The following CMYA5 variants were observed in gnomAD, a reference collection of about 807,000 sequenced individuals.
CMYA5 encodes cardiomyopathy associated 5.
In CMYA5, 246 loss-of-function variants were observed where a neutral mutation model predicts 318.9. The observed-to-expected ratio is 0.77, with a 90% CI of 0.70 to 0.86. The LOEUF (loss-of-function observed/expected upper bound fraction) is 0.86. Among genes scored for constraint, CMYA5 ranks in the 40% least tolerant of loss-of-function variants. The pLI, the probability that CMYA5 is intolerant of heterozygous loss-of-function variation, is 0.00. For synonymous variants in CMYA5, 1,641 were observed against 1,729.5 expected, an observed-to-expected ratio of 0.95 and a Z score of 1.27; for missense variants, 4,589 against 4,678.2, an observed-to-expected ratio of 0.98 and a Z score of 0.56.
At chr5:79,794,654 C>T (rs1437551418) in intron 12 of CMYA5, among the ~76,000 whole-genome samples, 1 of 152,172 alleles carries the variant, frequency 6.6e-6, no homozygotes, top group Admixed American at 6.5e-5. Context: ...CAGGGAAGAG[C>T]TTAGGAACGG....
At chr5:79,726,625 G>T (rs958483898) in intron 1 of CMYA5, among the ~76,000 whole-genome samples, 6 of 152,168 alleles carry the variant, frequency 3.9e-5, no homozygotes, top group Non-Finnish European at 8.8e-5. Flanking sequence ...AGGGTGAATG[G>T]ATCTGGCTGC....
At chr5:79,713,298 C>T (rs1177443243) in intron 1 of CMYA5, among the ~76,000 whole-genome samples, 1 of 39,538 alleles carries the variant, frequency 2.5e-5, no homozygotes, top group Non-Finnish European at 4.8e-5. Flanking sequence ...CTGCACCCCG[C>T]CCCCACCCCC....
Position 79,736,397 on chromosome 5 carries a change from G to T in CMYA5, c.7632G>T (p.Gln2544His), listed in dbSNP as rs374481456. Residue 2544 changes from glutamine to histidine, a missense_variant, in exon 2 of 13, where the codon CAG becomes CAT. By Grantham distance (24) the Gln-to-His change is conservative (BLOSUM62 0). Coordinates refer to ENST00000446378, the MANE Select transcript of CMYA5 (RefSeq NM_153610.5). ...EKEKGEEKEN[Q>H]VYVLSEGKKQ... ...AGAAAGGTGAAGAAAAAGAAAATCA[G>T]GTATATGTGCTTTCAGAAGGAAAGA... is the stretch of plus-strand genomic sequence containing the variant. The T allele has an allele frequency of 8.8e-5, 141 of 1,611,102 alleles. No homozygotes were observed. The African/African-American group carries it at 1.8e-3, about 21-fold the overall frequency.
In CMYA5 at chr5:79,736,294, C is replaced by T. The variant is rs370173166; in HGVS notation, c.7529C>T (p.Ala2510Val). 8 of 1,613,062 alleles carry T rather than the reference C, an allele frequency of 5.0e-6. No homozygotes were observed. Among genetic ancestry groups the T allele is most frequent in the Non-Finnish European group, 6.8e-6 (8 of 1,179,680 alleles). ...SRSTELKESK[A>V]DAMPQHFYQN... ...TCTACTGAACTGAAAGAATCAAAAG[C>T]CGATGCTATGCCACAGCACTTCTAT... Residue 2510 changes from alanine (A) to valine (V), a missense_variant, in exon 2 of 13, where the codon GCC becomes GTC. Ala to Val is a moderately conservative substitution (Grantham distance 64). Coordinates refer to ENST00000446378, the MANE Select transcript of CMYA5 (RefSeq NM_153610.5).
chr5:79,764,696 G>A (rs1828716594), intron 9 of CMYA5, among the ~76,000 whole-genome samples: 1 of 152,208 alleles, frequency 6.6e-6, no homozygotes, highest in Non-Finnish European at 1.5e-5. Context: ...TAACTGGTGT[G>A]AGATGGTATC....
At chr5:79,784,705 T>G (rs560744834) in intron 9 of CMYA5, among the ~76,000 whole-genome samples, 1 of 137,792 alleles carries the variant, frequency 7.3e-6, no homozygotes, top group South Asian at 2.5e-4. Context: ...CACCCCTTTC[T>G]TTGACTCGGA....
chr5:79,770,297 T>C (rs1271334682), intron 9 of CMYA5, among the ~76,000 whole-genome samples: 1 of 152,138 alleles, frequency 6.6e-6, no homozygotes, highest in Non-Finnish European at 1.5e-5. Context: ...CAGCCCCCTT[T>C]CCAGGGGAGT....
At chr5:79,718,372 C>G (rs181668781) in intron 1 of CMYA5, among the ~76,000 whole-genome samples, 30 of 151,968 alleles carry the variant, frequency 2.0e-4, no homozygotes, top group Admixed American at 1.6e-3. Context: ...AGATCACAAG[C>G]TTTCTTGGTG....
chr5:79,747,170 T>C, intron 5 of CMYA5, 57 bp downstream of exon 5: 1 of 1,494,164 alleles, frequency 6.7e-7, no homozygotes, highest in Non-Finnish European at 8.9e-7. Context: ...GCTTGCTTTT[T>C]AATATTTTGG....
In CMYA5 at chr5:79,731,025, C is replaced by T; in HGVS notation, c.2260C>T (p.Leu754Phe). ...TGTGGCCCCTGCTTCTGAGCCCTCT[C>T]TCTCACCATCCACAACCGAAAAGAC... ...PAVAPASEPS[L>F]SPSTTEKTSE... The change falls in exon 2 of 13, where the codon CTC (leucine) becomes TTC (phenylalanine). Residue 754 changes from leucine (L) to phenylalanine (F), a missense_variant. Around this residue, in one of 3 missense-constraint regions of CMYA5, gnomAD observed 2,132 missense variants for 2,131.3 expected, o/e 1.00. Coordinates refer to ENST00000446378, the MANE Select transcript of CMYA5 (RefSeq NM_153610.5). 1 of 1,614,034 alleles carries T rather than the reference C, an allele frequency of 6.2e-7. No individual in the cohort carries two copies.
At chr5:79,744,338 C>G (rs1828276488) in intron 3 of CMYA5, among the ~76,000 whole-genome samples, 1 of 152,204 alleles carries the variant, frequency 6.6e-6, no homozygotes, top group African/African-American at 2.4e-5. Flanking sequence ...GAGTCACTGC[C>G]CAGTGTCCCA....
chr5:79,771,210 T>G (rs6453482), intron 9 of CMYA5, among the ~76,000 whole-genome samples: 16,468 of 152,178 alleles, frequency 0.11, 1,186 homozygotes, highest in East Asian at 0.31. Flanking sequence ...GCTACTCAGC[T>G]CGTATTAGCA....
chr5:79,754,846 T>C (rs1340623885), intron 6 of CMYA5, among the ~76,000 whole-genome samples: 1 of 152,216 alleles, frequency 6.6e-6, no homozygotes, highest in African/African-American at 2.4e-5. Flanking sequence ...CCCCTTCTCC[T>C]GGCTGTGGCA....
At chr5:79,692,690 ATG>A (rs1390033549) in intron 1 of CMYA5, among the ~76,000 whole-genome samples, 1 of 152,206 alleles carries the variant, frequency 6.6e-6, no homozygotes, top group Non-Finnish European at 1.5e-5. Flanking sequence ...AATTATGTGA[ATG>A]TGTGTAGGAG....
At position 79,734,868 on chromosome 5, in the gene CMYA5, G is replaced by T. The variant is rs747064837; in HGVS notation, c.6103G>T (p.Asp2035Tyr). Residue 2035 changes from aspartate to tyrosine, a missense_variant, in exon 2 of 13, where the codon GAT (aspartate) becomes TAT (tyrosine). Asp to Tyr is a radical substitution (Grantham distance 160). Transcript: ENST00000446378. ...AGAGCTTTCCTGGCCTTCCAAAGAA[G>T]ATAGCCAGGAAAAAATTAAACTACC... ...NTELSWPSKE[D>Y]SQEKIKLPPE... The T allele has an allele frequency of 1.5e-5, 24 of 1,613,622 alleles. No individual in the cohort carries two copies. In the Admixed American group the frequency reaches 4.0e-4, roughly 27 times the overall value.
At chr5:79,762,768 ATCTT>A (rs758441805) in intron 8 of CMYA5, 4 of 305,744 alleles carry the variant, frequency 1.3e-5, no homozygotes, top group African/African-American at 2.1e-5. Flanking sequence ...AGGGGAAAGA[ATCTT>A]TATTTTGATT....
At chr5:79,690,108 C>G in intron 1 of CMYA5, 52 bp downstream of exon 1, 1 of 1,381,568 alleles carries the variant, frequency 7.2e-7, no homozygotes, top group Non-Finnish European at 9.4e-7. Flanking sequence ...GCTAGCAGCA[C>G]CCTTGCTTGT....
intron 9 of CMYA5, among the ~76,000 whole-genome samples, chr5:79,787,133 G>A (rs1829096105): frequency 6.6e-6 from 1 of 152,138 alleles, no homozygotes; most frequent in African/African-American, 2.4e-5. Context: ...TTTAACAACT[G>A]TGTTGTTATA....
At chr5:79,714,990 T>C (rs1157651083) in intron 1 of CMYA5, among the ~76,000 whole-genome samples, 1 of 152,214 alleles carries the variant, frequency 6.6e-6, no homozygotes, top group Non-Finnish European at 1.5e-5. Flanking sequence ...CTGGGTTATC[T>C]CTGGTAATGG....
Sources: allele counts gnomAD v4.1 joint callset (sites outside exome capture counted in the v4.1 genomes callset), GRCh38; gene constraint gnomAD v4.1.1; regional missense constraint gnomAD v4.1.1; transcripts MANE v1.5; gene names NCBI Gene and HGNC (gene_info 2026-07-23, HGNC 2026-07-21).